The following BTAF1 variants were observed in gnomAD, a reference collection of about 807,000 sequenced individuals.
The protein encoded by BTAF1 is B-TFIID TATA-box binding protein associated factor 1.
Under a neutral mutation model 227.1 loss-of-function variants are expected in BTAF1, and 38 were observed. The ratio of observed to expected loss-of-function variants is 0.17; its 90% CI spans 0.13 to 0.22. The LOEUF (loss-of-function observed/expected upper bound fraction) is 0.22, where lower values mean the gene tolerates loss of function less well. Among genes scored for constraint, BTAF1 ranks in the 10% least tolerant of loss-of-function variants. The pLI, the probability that BTAF1 is intolerant of heterozygous loss-of-function variation, is 1.00. For synonymous variants in BTAF1, 742 were observed against 751.9 expected, an observed-to-expected ratio of 0.99 and a Z score of 0.21; for missense variants, 1,598 against 2,204.0, an observed-to-expected ratio of 0.73 and a Z score of 5.51.
chr10:91,932,228 A>T (rs902084213), intron 1 of BTAF1, among the ~76,000 whole-genome samples: 1 of 152,170 alleles, frequency 6.6e-6, no homozygotes, highest in Non-Finnish European at 1.5e-5. Context: ...TTGAAGGAAT[A>T]CAGTGCCTAT....
In BTAF1 at chr10:91,953,606, A is replaced by G. The variant is rs10748574; in HGVS notation, c.565-131A>G. On this transcript the variant is annotated intron_variant, in intron 5 of 37. Transcript: ENST00000265990. The stretch of plus-strand genomic sequence containing the variant: ...ACAGTCATACAACAAAAGAGTGTGA[A>G]CCTGTCAAAAAAGAATGTGATCGAT... 0.99 allele frequency: 981,188 copies of G among 991,306 alleles called. 486,262 individuals are homozygous for G. Among genetic ancestry groups the G allele is most frequent in the East Asian group, 1 (39,749 of 39,750 alleles). 61.4% of individuals were successfully genotyped at this position (991,306 alleles called of 1,614,324 possible).
chr10:91,992,114 A>G lies in BTAF1; in HGVS notation c.2855-5A>G, dbSNP rs1202148571. The G allele has an allele frequency of 6.4e-6, 10 of 1,550,526 alleles. No individual in the cohort carries two copies. Among genetic ancestry groups the G allele is most frequent in the Non-Finnish European group, 8.7e-6 (10 of 1,146,534 alleles). ...TAAAAGGTTGTTTAACTTTTTTCTTATTAGGATCCACCTCAGAAAAAGATG... is the reference window on the plus strand; with the variant it reads ...TAAAAGGTTGTTTAACTTTTTTCTTGTTAGGATCCACCTCAGAAAAAGATG... On this transcript the variant is annotated splice_region_variant and splice_polypyrimidine_tract_variant and intron_variant, in intron 20 of 37. Coordinates refer to ENST00000265990, the MANE Select transcript of BTAF1 (RefSeq NM_003972.3).
chr10:91,988,362 G>A (rs552270119), intron 19 of BTAF1, among the ~76,000 whole-genome samples: 17 of 152,054 alleles, frequency 1.1e-4, no homozygotes, highest in African/African-American at 3.6e-4. Context: ...AGTGGATTTA[G>A]GACAATGTTT....
intron 15 of BTAF1, among the ~76,000 whole-genome samples, chr10:91,981,132 C>T (rs2133980814): frequency 6.6e-6 from 1 of 152,180 alleles, no homozygotes; most frequent in South Asian, 2.1e-4. Context: ...GTGATCTTGC[C>T]ATAGGCTAGT....
chr10:92,024,869 A>C lies in BTAF1; in HGVS notation c.4977A>C (p.Ile1659=). 6.2e-7 allele frequency: 1 copy of C among 1,613,892 alleles called. No homozygotes were observed. Among genetic ancestry groups the C allele is most frequent in the Non-Finnish European group, 8.5e-7 (1 of 1,179,924 alleles). ...IFCQLKSMLD[I]VEHDLLKPHL... is the part of the protein sequence containing the mutation. Reference sequence around the variant, plus strand: ...GTCAGCTGAAAAGCATGCTTGATATAGTAGAGCATGATCTCCTCAAACCTC... The same window carrying C: ...GTCAGCTGAAAAGCATGCTTGATATCGTAGAGCATGATCTCCTCAAACCTC... The change falls in exon 35 of 38, where the codon ATA becomes ATC. Residue 1659 remains isoleucine, a synonymous_variant. Transcript: ENST00000265990.
chr10:91,957,325 T>C (rs536198889), intron 8 of BTAF1, 32 bp downstream of exon 8: 5 of 1,554,718 alleles, frequency 3.2e-6, no homozygotes, highest in Non-Finnish European at 2.7e-6. Flanking sequence ...TTTTCTCAGC[T>C]CTATTTTCTG....
At chr10:92,009,464 G>T (rs1850156222) in intron 28 of BTAF1, among the ~76,000 whole-genome samples, 1 of 152,140 alleles carries the variant, frequency 6.6e-6, no homozygotes, top group Non-Finnish European at 1.5e-5. Flanking sequence ...CATTTTGTAT[G>T]CCCCTTTTGG....
At chr10:91,951,110 G>A (rs1845740473) in intron 4 of BTAF1, among the ~76,000 whole-genome samples, 1 of 152,086 alleles carries the variant, frequency 6.6e-6, no homozygotes, top group African/African-American at 2.4e-5. Flanking sequence ...ACAGGTGTGA[G>A]CCACTGCACC....
intron 2 of BTAF1, 27 bp from the exon 3 acceptor site, chr10:91,939,925 C>T (rs202064756): frequency 1.2e-5 from 18 of 1,485,176 alleles, no homozygotes; most frequent in African/African-American, 1.1e-4. Context: ...TTTTTGTATA[C>T]GTAACTTTTA....
At position 92,011,162 on chromosome 10, in the gene BTAF1, T is replaced by A; in HGVS notation, c.4181+12T>A. ...ATAGATTTCTTTAGGTAAGAATTAA[T>A]TTTTTTTTTAGAAAAATTAATATCA... is the stretch of plus-strand genomic sequence containing the variant. On this transcript the variant is annotated intron_variant, in intron 29 of 37. Coordinates refer to ENST00000265990, the MANE Select transcript of BTAF1 (RefSeq NM_003972.3). 7.1e-7 allele frequency: 1 copy of A among 1,401,406 alleles called. No individual in the cohort carries two copies. The highest frequency in any genetic ancestry group is 1.5e-5 in the African/African-American group (1 of 68,284). 86.8% of individuals were successfully genotyped at this position (1,401,406 alleles called of 1,614,324 possible).
chr10:91,943,510 CTG>C (rs1437128659), intron 4 of BTAF1, among the ~76,000 whole-genome samples: 2 of 152,172 alleles, frequency 1.3e-5, no homozygotes, highest in African/African-American at 4.8e-5. Context: ...GAATAACACT[CTG>C]TTGCTAATTA....
chr10:91,940,845 C>T (rs1297124526), intron 3 of BTAF1, among the ~76,000 whole-genome samples: 4 of 151,918 alleles, frequency 2.6e-5, no homozygotes, highest in African/African-American at 7.2e-5. Context: ...CCACCATGCT[C>T]AGCTAATTTT....
At chr10:91,996,999 A>G (rs1433626762) in intron 24 of BTAF1, 2 of 698,344 alleles carry the variant, frequency 2.9e-6, no homozygotes, top group African/African-American at 1.9e-5. Flanking sequence ...ATATTATACT[A>G]GATAATTAGA....
rs1848163246 is a variant in BTAF1, at chr10:91,982,862, T to A, written c.2223+101T>A. ...CAGAAAAGTGAAAATTTTCGATGTA[T>A]AAAAATCCAAGAGTTACAGAAAAGT... On this transcript the variant is annotated intron_variant, in intron 18 of 37. Coordinates refer to ENST00000265990, the MANE Select transcript of BTAF1 (RefSeq NM_003972.3). 2.4e-6 allele frequency: 3 copies of A among 1,238,152 alleles called. No homozygotes were observed. In the East Asian group the frequency reaches 7.6e-5, roughly 31 times the overall value. 76.7% of individuals were successfully genotyped at this position (1,238,152 alleles called of 1,614,324 possible).
intron 12 of BTAF1, among the ~76,000 whole-genome samples, chr10:91,963,252 C>T (rs1189918913): frequency 6.6e-6 from 1 of 151,848 alleles, no homozygotes; most frequent in Non-Finnish European, 1.5e-5. Context: ...ACACATGCCA[C>T]TGTGCCTTGG....
intron 20 of BTAF1, among the ~76,000 whole-genome samples, chr10:91,990,358 G>T (rs1848653480): frequency 6.6e-6 from 1 of 151,202 alleles, no homozygotes; most frequent in Admixed American, 6.6e-5. Context: ...TTACCCCCCT[G>T]GTCCATTGCT....
At chr10:92,023,401 A>G (rs1265012731) in intron 34 of BTAF1, among the ~76,000 whole-genome samples, 6 of 152,184 alleles carry the variant, frequency 3.9e-5, no homozygotes, top group Non-Finnish European at 8.8e-5. Flanking sequence ...TGAAGATCTT[A>G]GATTGGCCCG....
intron 1 of BTAF1, among the ~76,000 whole-genome samples, chr10:91,928,250 G>T (rs1289077090): frequency 6.6e-6 from 1 of 152,064 alleles, no homozygotes; most frequent in Non-Finnish European, 1.5e-5. Context: ...ACTTTCAGTT[G>T]TAAGAATGTG....
intron 20 of BTAF1, among the ~76,000 whole-genome samples, chr10:91,989,814 T>C (rs1459915259): frequency 6.6e-6 from 1 of 152,226 alleles, no homozygotes; most frequent in Non-Finnish European, 1.5e-5. Context: ...ATAGCTGATA[T>C]AAGGTGACTG....
Sources: gnomAD v4.1 joint callset for allele counts (sites outside exome capture counted in the v4.1 genomes callset) on GRCh38, gnomAD v4.1.1 for gene constraint, MANE v1.5 for transcripts, NCBI Gene and HGNC (gene_info 2026-07-23, HGNC 2026-07-21) for gene names.